Variants in PIEZO1 observed in about 807,000 individuals in gnomAD.
PIEZO1 encodes piezo-type mechanosensitive ion channel component 1.
PIEZO1 carries 296 observed loss-of-function variants against 297.2 expected under a neutral mutation model. That is an observed-to-expected ratio of 1.00 (90% CI 0.91 to 1.10). The LOEUF is 1.10. Ranked by LOEUF, PIEZO1 falls within the 50% of genes least tolerant of loss-of-function variation. The pLI is 0.00. For missense variants in PIEZO1, 5,018 were observed against 3,455.5 expected, an observed-to-expected ratio of 1.45 and a Z score of -11.34; for synonymous variants, 2,427 against 1,507.5, an observed-to-expected ratio of 1.61 and a Z score of -14.13.
rs111945967 is a variant in PIEZO1, at chr16:88,736,414, C to T, written c.1297-6G>A. ...TGGTAGGTGATGCTCCATACCTGCGCGGCAGAGAGGGCTGCACAGCTGCCC... is the reference window on the plus strand; with the variant it reads ...TGGTAGGTGATGCTCCATACCTGCGTGGCAGAGAGGGCTGCACAGCTGCCC... On this transcript the variant is annotated splice_region_variant and splice_polypyrimidine_tract_variant and intron_variant, in intron 11 of 50. Coordinates refer to ENST00000301015, the MANE Select transcript of PIEZO1 (RefSeq NM_001142864.4). 4.5e-4 allele frequency: 685 copies of T among 1,536,712 alleles called. 7 individuals carry two copies. In the African/African-American group the frequency reaches 8.9e-3, roughly 20 times the overall value.
At position 88,731,917 on chromosome 16, in the gene PIEZO1, A is replaced by ATGCACTGAGTCTGG. The variant is rs1555555036; in HGVS notation, c.2992-8_2992-7insCCAGACTCAGTGCA. On this transcript the variant is annotated splice_region_variant and splice_polypyrimidine_tract_variant and intron_variant, in intron 21 of 50. Coordinates refer to ENST00000301015, the MANE Select transcript of PIEZO1 (RefSeq NM_001142864.4). Reference sequence around the variant, plus strand: ...CGGCCATCAGGAAGCAGATCTGGGGAGGGGAGAGGGCGGGGTGTGGGGATG... The same window carrying ATGCACTGAGTCTGG: ...CGGCCATCAGGAAGCAGATCTGGGGATGCACTGAGTCTGGGGGGAGAGGGCGGGGTGTGGGGATG... 7 of 222,240 alleles carry ATGCACTGAGTCTGG rather than the reference A, an allele frequency of 3.1e-5. No homozygotes were observed. Among genetic ancestry groups the ATGCACTGAGTCTGG allele is most frequent in the Middle Eastern group, 6.8e-4 (1 of 1,466 alleles). The allele number at this position is 222,240 out of a possible 1,614,324, so 13.8% of individuals were successfully genotyped here. A position where few individuals can be genotyped will look rare whatever the true frequency, so the allele number is the denominator to read the frequency against.
chr16:88,731,961 G>GA, intron 21 of PIEZO1, 51 bp from the exon 22 acceptor site: 1 of 283,010 alleles, frequency 3.5e-6, no homozygotes, highest in Non-Finnish European at 6.9e-6. Context: ...CTGGGGGGAG[G>GA]GACTTTCTTG....
intron 1 of PIEZO1, among the ~76,000 whole-genome samples, chr16:88,771,233 C>A (rs537671834): frequency 2.0e-5 from 3 of 152,136 alleles, no homozygotes; most frequent in African/African-American, 7.2e-5. Context: ...AGTGACCCCC[C>A]CTTGGGAGGT....
chr16:88,767,681 G>C (rs563214072), intron 1 of PIEZO1, among the ~76,000 whole-genome samples: 1 of 152,302 alleles, frequency 6.6e-6, no homozygotes, highest in Non-Finnish European at 1.5e-5. Flanking sequence ...CCCTGGCTCA[G>C]AGGAACCAGG....
chr16:88,755,360 G>C (rs888694267), intron 1 of PIEZO1, among the ~76,000 whole-genome samples: 1 of 152,164 alleles, frequency 6.6e-6, no homozygotes, highest in Admixed American at 6.5e-5. Flanking sequence ...CCTACTCCCT[G>C]GCATTCACGT....
At chr16:88,723,702 C>G (rs1038045067) in intron 31 of PIEZO1, among the ~76,000 whole-genome samples, 169 bp downstream of exon 31, 1 of 152,246 alleles carries the variant, frequency 6.6e-6, no homozygotes, top group Admixed American at 6.5e-5. Context: ...TCCCTGTAGC[C>G]TGGTTTCCCA....
chr16:88,756,658 C>T (rs1490209064), intron 1 of PIEZO1, among the ~76,000 whole-genome samples: 1 of 152,110 alleles, frequency 6.6e-6, no homozygotes, highest in Non-Finnish European at 1.5e-5. Context: ...GTCCCAGCTA[C>T]TTGGGAGGCT....
rs532748737 is a variant in PIEZO1 at position 88,715,808 on chromosome 16, C to T, written c.7363G>A (p.Val2455Met). The stretch of plus-strand genomic sequence containing the variant: ...GAGATCTCGCTGAAGAATCCGCGCA[C>T]GAACTTGCCGATGACCAGCACGATG... ...VSIVLVIGKF[V>M]RGFFSEISHS... The change falls in exon 51 of 51, where the codon GTG becomes ATG. Residue 2455 changes from valine to methionine, a missense_variant. By Grantham distance (21) the Val-to-Met change is conservative. Transcript: ENST00000301015. The T allele has an allele frequency of 7.4e-5, 115 of 1,550,282 alleles. No individual in the cohort carries two copies. In the South Asian group the frequency reaches 9.5e-4, roughly 13 times the overall value.
rs547409918 is a variant in PIEZO1, at chr16:88,720,471, G to T, written c.5863C>A (p.Arg1955Ser). The change falls in exon 41 of 51, where the codon CGC becomes AGC. Residue 1955 changes from arginine to serine, a missense_variant. Physicochemically the swap from Arg to Ser is moderately radical, Grantham distance 110. Transcript: ENST00000301015. Reference protein sequence around the residue: ...FFHDILHTKYRAATDVYALMF... With the variant: ...FFHDILHTKYSAATDVYALMF... ...AGGGCATAGACGTCGGTGGCTGCGC[G>T]GTACTTGGTGTGCAGGATGTCGTGG... 2 of 1,550,412 alleles carry T rather than the reference G, an allele frequency of 1.3e-6. No homozygotes were observed. The highest frequency in any genetic ancestry group is 2.0e-5 in the Admixed American group (1 of 51,008).
At chr16:88,734,156 A>T in intron 16 of PIEZO1, 102 bp from the exon 17 acceptor site, 1 of 1,383,078 alleles carries the variant, frequency 7.2e-7, no homozygotes, top group Non-Finnish European at 9.7e-7. Flanking sequence ...TGCAGCTGCC[A>T]GTTCAGGTGC....
rs569576587 is a variant in PIEZO1, at chr16:88,736,727, C to T, written c.1208G>A (p.Arg403Gln). 2.0e-5 allele frequency: 30 copies of T among 1,529,930 alleles called. 1 individual carries two copies. Among genetic ancestry groups the T allele is most frequent in the Middle Eastern group, 3.7e-4 (2 of 5,346 alleles). 94.8% of individuals were successfully genotyped at this position (1,529,930 alleles called of 1,614,324 possible). A position where few individuals can be genotyped will look rare whatever the true frequency, so the allele number is the denominator to read the frequency against. ...SVLRRPVRPK[R>Q]AEPREASPLH... ...CGGAGACGCCTCCCTGGGCTCAGCC[C>T]GCTTGGGCCGCACTGCAGGTGGGGA... The change falls in exon 11 of 51, where the codon CGG becomes CAG. Residue 403 changes from arginine (R) to glutamine (Q), a missense_variant. Arg to Gln is a conservative substitution (Grantham distance 43). Transcript: ENST00000301015.
chr16:88,743,643 A>G (rs752405015), intron 2 of PIEZO1: 1 of 456,300 alleles, frequency 2.2e-6, no homozygotes, highest in South Asian at 1.5e-5. Flanking sequence ...GGCCTTGGAC[A>G]CTCAGCCCCC....
At chr16:88,746,705 C>G (rs377146140) in intron 2 of PIEZO1, among the ~76,000 whole-genome samples, 1 of 152,240 alleles carries the variant, frequency 6.6e-6, no homozygotes, top group Non-Finnish European at 1.5e-5. Flanking sequence ...GGGCCTCTGA[C>G]GAGGCTCAGG....
chr16:88,735,863 G>A (rs940806550), intron 12 of PIEZO1, among the ~76,000 whole-genome samples: 6 of 152,128 alleles, frequency 3.9e-5, no homozygotes, highest in African/African-American at 1.4e-4. Context: ...CTCACACACA[G>A]TGTCGGGGCA....
intron 22 of PIEZO1, among the ~76,000 whole-genome samples, chr16:88,730,808 G>A (rs1181375719): frequency 6.6e-6 from 1 of 152,218 alleles, no homozygotes; most frequent in Non-Finnish European, 1.5e-5. Flanking sequence ...CCCAGGGTCT[G>A]CGGATGACAG....
intron 39 of PIEZO1, 82 bp downstream of exon 39, chr16:88,721,084 C>T: frequency 2.2e-6 from 3 of 1,351,636 alleles, no homozygotes; most frequent in Non-Finnish European, 2.9e-6. Context: ...GCTTGGCCGT[C>T]TCATCTGAGA....
chr16:88,715,820 T>C lies in PIEZO1; in HGVS notation c.7351A>G (p.Ile2451Val), dbSNP rs1360449118. The change falls in exon 51 of 51, where the codon ATC becomes GTC. Residue 2451 changes from isoleucine (I) to valine (V), a missense_variant. Transcript: ENST00000301015. ...MGLYVSIVLV[I>V]GKFVRGFFSE... is the part of the protein sequence containing the mutation. ...AAGAATCCGCGCACGAACTTGCCGA[T>C]GACCAGCACGATGGACACGTACAGC... The C allele has an allele frequency of 5.8e-6, 9 of 1,550,166 alleles. No individual in the cohort carries two copies. Among genetic ancestry groups the C allele is most frequent in the East Asian group, 4.9e-5 (2 of 40,920 alleles).
chr16:88,777,655 A>G (rs990095690), intron 1 of PIEZO1, among the ~76,000 whole-genome samples: 4 of 152,228 alleles, frequency 2.6e-5, no homozygotes, highest in Non-Finnish European at 5.9e-5. Context: ...TTTAAACGGT[A>G]CTTTAACCAT....
At chr16:88,728,306 G>C (rs574822537) in intron 22 of PIEZO1, among the ~76,000 whole-genome samples, 8 of 152,276 alleles carry the variant, frequency 5.3e-5, no homozygotes, top group Non-Finnish European at 1.0e-4. Context: ...GGTCCCTAAG[G>C]ACTGAGGGCA....
Sources: allele counts gnomAD v4.1 joint callset (sites outside exome capture counted in the v4.1 genomes callset), GRCh38; gene constraint gnomAD v4.1.1; transcripts MANE v1.5; gene names NCBI Gene and HGNC (gene_info 2026-07-23, HGNC 2026-07-21).